The following MAN2C1 variants were observed in gnomAD, a reference collection of about 807,000 sequenced individuals.
MAN2C1 encodes the protein mannosidase alpha class 2C member 1.
Under a neutral mutation model 126.9 loss-of-function variants are expected in MAN2C1, and 111 were observed. The observed-to-expected ratio is 0.87, with a 90% CI of 0.75 to 1.02. The LOEUF is 1.02. Among genes scored for constraint, MAN2C1 ranks in the 50% least tolerant of loss-of-function variants. MAN2C1 has a pLI of 0.00. For synonymous variants in MAN2C1, 567 were observed against 561.5 expected, an observed-to-expected ratio of 1.01 and a Z score of -0.14; for missense variants, 1,363 against 1,364.4, an observed-to-expected ratio of 1.00 and a Z score of 0.02.
rs749646200 is a variant in MAN2C1 at position 75,358,573 on chromosome 15, C to T, written c.2292G>A (p.Glu764=). ...GQAGTLAVGT[E]GGLRGSAWFL... ...ACCAGGCGCTGCCCCGCAGGCCGCCCTCGGTGCCCACTGCCAGGGTCCCTG... is the reference window on the plus strand; with the variant it reads ...ACCAGGCGCTGCCCCGCAGGCCGCCTTCGGTGCCCACTGCCAGGGTCCCTG... The change falls in exon 20 of 26, where the codon GAG becomes GAA. Residue 764 remains glutamate, a synonymous_variant. Coordinates refer to ENST00000267978, the MANE Select transcript of MAN2C1 (RefSeq NM_006715.4). The T allele has an allele frequency of 6.2e-6, 10 of 1,613,416 alleles. No individual in the cohort carries two copies. In the South Asian group the frequency reaches 8.8e-5, roughly 14 times the overall value.
Position 75,356,160 on chromosome 15 carries a change from G to C in MAN2C1, c.2946C>G (p.Ser982Arg), listed in dbSNP as rs764882521. 1 of 1,613,632 alleles carries C rather than the reference G, an allele frequency of 6.2e-7. No individual in the cohort carries two copies. Among genetic ancestry groups the C allele is most frequent in the Non-Finnish European group, 8.5e-7 (1 of 1,179,990 alleles). ...LVLRLYEAHG[S>R]HVDCWLHLSL... is the part of the protein sequence containing the mutation. Reference sequence around the variant, plus strand: ...ACAAGTGCAGCCAGCAGTCCACGTGGCTGCCGTGGGCCTCATACAGCCTCA... The same window carrying C: ...ACAAGTGCAGCCAGCAGTCCACGTGCCTGCCGTGGGCCTCATACAGCCTCA... The change falls in exon 25 of 26, where the codon AGC becomes AGG. Residue 982 changes from serine (S) to arginine (R), a missense_variant. Ser to Arg is a moderately radical substitution (Grantham distance 110). Transcript: ENST00000267978. This position sits in a 1 kb window ranked among gnomAD's most constrained non-coding sequence, Gnocchi z 5.8.
At chr15:75,367,732 ATCTG>A (rs2072605755) in intron 2 of MAN2C1, 98 bp from the exon 3 acceptor site, 1 of 1,456,616 alleles carries the variant, frequency 6.9e-7, no homozygotes, top group African/African-American at 1.4e-5. Context: ...CTCTCCAAGC[ATCTG>A]CAGTGTCACA....
chr15:75,356,501 CT>C lies in MAN2C1; in HGVS notation c.2738-53del. On this transcript the variant is annotated intron_variant, in intron 23 of 25. Coordinates refer to ENST00000267978, the MANE Select transcript of MAN2C1 (RefSeq NM_006715.4). This position sits in a 1 kb window ranked among gnomAD's most constrained non-coding sequence, Gnocchi z 5.8. ...GGTGGAGAATGGGGGCTACCCTCCC[CT>C]GTCCCTAGAAGGGGCAGGAAGCCAG... is the stretch of plus-strand genomic sequence containing the variant. The C allele has an allele frequency of 6.4e-7, 1 of 1,565,812 alleles. No homozygotes were observed. Among genetic ancestry groups the C allele is most frequent in the Non-Finnish European group, 8.6e-7 (1 of 1,156,382 alleles).
At chr15:75,360,759 C>T (rs1335360965) in intron 12 of MAN2C1, 71 bp from the exon 13 acceptor site, 7 of 1,573,838 alleles carry the variant, frequency 4.4e-6, no homozygotes, top group Non-Finnish European at 6.0e-6. Flanking sequence ...CACACCAAAG[C>T]AAAGGATCCA....
chr15:75,366,647 T>G, intron 3 of MAN2C1, 55 bp from the exon 4 acceptor site: 1 of 1,394,218 alleles, frequency 7.2e-7, no homozygotes, highest in Non-Finnish European at 9.9e-7. Flanking sequence ...ACAGTTCAGG[T>G]AAAGTGTAAG....
Position 75,360,207 on chromosome 15 carries a change from T to C in MAN2C1, c.1589A>G (p.Lys530Arg). ...CCGCTCACATTCCCGGTTCCCCTTC[T>C]TGATCTGAGCCCAGGATGGGAAGAT... The part of the protein sequence containing the change: ...NGTYTTHAQI[K>R]KGNRECERIL... Residue 530 changes from lysine (K) to arginine (R), a missense_variant, in exon 14 of 26, where the codon AAG (lysine) becomes AGG (arginine). Transcript: ENST00000267978. The C allele has an allele frequency of 6.2e-7, 1 of 1,609,026 alleles. No individual in the cohort carries two copies.
rs1238782988 is a variant in MAN2C1 at position 75,367,989 on chromosome 15, G to A, written c.227+84C>T. The A allele has an allele frequency of 4.6e-5, 68 of 1,472,278 alleles. 1 individual carries two copies. Among genetic ancestry groups the A allele is most frequent in the Non-Finnish European group, 1.8e-5 (20 of 1,099,886 alleles). The allele number at this position is 1,472,278 out of a possible 1,614,324, so 91.2% of individuals were successfully genotyped here. ...TCCCACGTAGTTGTCTACGGCAGAG[G>A]GCAGACAACGAAGGTGTGGCTGGGA... On this transcript the variant is annotated intron_variant, in intron 2 of 25. Transcript: ENST00000267978.
rs2072296003 is a variant in MAN2C1 at position 75,356,314 on chromosome 15, T to TCTTG, written c.2872_2873insCAAG (p.Glu958AlafsTer22). On this transcript the variant is annotated frameshift_variant, in exon 24 of 26. Transcript: ENST00000267978. LOFTEE classifies it high-confidence loss of function. The surrounding 1 kb of genome is among the most constrained non-coding windows in gnomAD (Gnocchi z 5.8). ...CCCACCCCTTGCCTGCTTGACGGTC[T>TCTTG]CCAATACGACCGCGGGTGAAGACAC... The TCTTG allele has an allele frequency of 1.9e-6, 3 of 1,611,396 alleles. No homozygotes were observed. The highest frequency in any genetic ancestry group is 2.5e-6 in the Non-Finnish European group (3 of 1,179,316).
In MAN2C1 at chr15:75,367,567, G is replaced by C; in HGVS notation, c.295C>G (p.Leu99Val). The change falls in exon 3 of 26, where the codon CTT becomes GTT. Residue 99 changes from leucine (L) to valine (V), a missense_variant. By Grantham distance (32) the Leu-to-Val change is conservative (BLOSUM62 1). Around this residue, in one of 3 missense-constraint regions of MAN2C1, gnomAD observed 628 missense variants for 609.8 expected, o/e 1.03. Transcript: ENST00000267978. Reference sequence around the variant, plus strand: ...CCTTCTCCATCACTTTCCCAGCAAAGGTGAACTTCCTGGCCCACCCATGCC... The same window carrying C: ...CCTTCTCCATCACTTTCCCAGCAAACGTGAACTTCCTGGCCCACCCATGCC... ...PEAWVGQEVH[L>V]CWESDGEGLV... 6.2e-7 allele frequency: 1 copy of C among 1,614,176 alleles called. No individual in the cohort carries two copies. Among genetic ancestry groups the C allele is most frequent in the Non-Finnish European group, 8.5e-7 (1 of 1,180,024 alleles).
rs1314254906 is a variant in MAN2C1, at chr15:75,362,421, GT to G, written c.929del (p.Tyr310SerfsTer38). Reference sequence around the variant, plus strand: ...CCTGGATGCGGGAGTACAGGCCAGGGTAGCGGCTCTTCACCCATTCCAGCTG... The same window carrying G: ...CCTGGATGCGGGAGTACAGGCCAGGGAGCGGCTCTTCACCCATTCCAGCTG... ...AQQLEWVKSR[Y>X]PGLYSRIQEF... is the part of the protein sequence containing the mutation. On this transcript the variant is annotated frameshift_variant, in exon 8 of 26. Coordinates refer to ENST00000267978, the MANE Select transcript of MAN2C1 (RefSeq NM_006715.4). LOFTEE classifies it high-confidence loss of function. This position sits in a 1 kb window ranked among gnomAD's most constrained non-coding sequence, Gnocchi z 4.5. 15 of 1,613,556 alleles carry G rather than the reference GT, an allele frequency of 9.3e-6. No individual in the cohort carries two copies. The Admixed American group carries it at 2.3e-4, about 25-fold the overall frequency.
chr15:75,364,091 A>C lies in MAN2C1; in HGVS notation c.698T>G (p.Val233Gly), dbSNP rs2072528816. 4 of 1,614,044 alleles carry C rather than the reference A, an allele frequency of 2.5e-6. No homozygotes were observed. Among genetic ancestry groups the C allele is most frequent in the Non-Finnish European group, 3.4e-6 (4 of 1,180,020 alleles). Residue 233 changes from valine (V) to glycine (G), a missense_variant, in exon 6 of 26, where the codon GTG becomes GGG. Coordinates refer to ENST00000267978, the MANE Select transcript of MAN2C1 (RefSeq NM_006715.4). ...GAACCTGGAGGCCAGGGCCTGGGCC[A>C]CTGGGAAGGTCTCGGGCTGGGCAGG... ...CDPAQPETFP[V>G]AQALASRFFG...
intron 2 of MAN2C1, 60 bp downstream of exon 2, chr15:75,368,013 G>T: frequency 1.3e-6 from 2 of 1,537,600 alleles, no homozygotes; most frequent in South Asian, 1.2e-5. Context: ...GTGTGGCTGG[G>T]AGCTGGGTTG....
At chr15:75,360,328 C>G in intron 13 of MAN2C1, 117 bp from the exon 14 acceptor site, 1 of 1,452,060 alleles carries the variant, frequency 6.9e-7, no homozygotes, top group South Asian at 1.3e-5. Context: ...TGGAGAAGGC[C>G]TCTGGCGGGT....
chr15:75,358,726 T>C lies in MAN2C1; in HGVS notation c.2224A>G (p.Met742Val), dbSNP rs2072398563. ...TACCGTGTCTCCAGGTGGTAGTCCA[T>C]GACGTCCCATGCATCCCAGTACAAG... ...VPLYWDAWDV[M>V]DYHLETRKPV... is the part of the protein sequence containing the mutation. The change falls in exon 19 of 26, where the codon ATG becomes GTG. Residue 742 changes from methionine (M) to valine (V), a missense_variant. Physicochemically the swap from Met to Val is conservative, Grantham distance 21. This residue lies in a region of MAN2C1 where 668 missense variants were observed against 650.1 expected (regional missense o/e 1.03). Transcript: ENST00000267978. 4.0e-6 allele frequency: 4 copies of C among 990,574 alleles called. No individual in the cohort carries two copies. Among genetic ancestry groups the C allele is most frequent in the Admixed American group, 2.4e-5 (1 of 41,402 alleles). The allele number at this position is 990,574 out of a possible 1,614,324, so 61.4% of individuals were successfully genotyped here.
chr15:75,366,741 C>A, intron 3 of MAN2C1, 149 bp from the exon 4 acceptor site: 1 of 568,912 alleles, frequency 1.8e-6, no homozygotes, highest in South Asian at 2.3e-5. Flanking sequence ...AATCAGGGAC[C>A]CTTGGCAGTA....
At position 75,358,788 on chromosome 15, in the gene MAN2C1, G is replaced by A. The variant is rs150336317; in HGVS notation, c.2162C>T (p.Ala721Val). 2.6e-4 allele frequency: 418 copies of A among 1,612,850 alleles called. No homozygotes were observed. Among genetic ancestry groups the A allele is most frequent in the Non-Finnish European group, 3.4e-4 (397 of 1,179,578 alleles). ...AAATAGCACAAACTGGTTCCCCACG[G>A]CGCCCTCAGCAATGGCCTCCCTGGA... is the stretch of plus-strand genomic sequence containing the variant. ...ASGREAIAEG[A>V]VGNQFVLFDD... The change falls in exon 19 of 26, where the codon GCC becomes GTC. Residue 721 changes from alanine to valine, a missense_variant. This residue lies in a region of MAN2C1 where 668 missense variants were observed against 650.1 expected (regional missense o/e 1.03). Transcript: ENST00000267978.
rs372084731 is a variant in MAN2C1, at chr15:75,361,568, C to A, written c.1218+36G>T. On this transcript the variant is annotated intron_variant, in intron 10 of 25. Coordinates refer to ENST00000267978, the MANE Select transcript of MAN2C1 (RefSeq NM_006715.4). This position sits in a 1 kb window ranked among gnomAD's most constrained non-coding sequence, Gnocchi z 5.0. ...GCAAATGGGCCAGGCGGGACTGAGG[C>A]CCACTCTGACCCTGACCCCCCGGGG... The A allele has an allele frequency of 1.3e-6, 2 of 1,519,922 alleles. No individual in the cohort carries two copies. Among genetic ancestry groups the A allele is most frequent in the African/African-American group, 2.7e-5 (2 of 72,852 alleles). 94.2% of individuals were successfully genotyped at this position (1,519,922 alleles called of 1,614,324 possible).
chr15:75,362,729 T>C lies in MAN2C1; in HGVS notation c.810A>G (p.Lys270=), dbSNP rs569984012. The change falls in exon 7 of 26, where the codon AAA becomes AAG. Residue 270 remains lysine (K), a synonymous_variant. Transcript: ENST00000267978. The surrounding 1 kb of genome is among the most constrained non-coding windows in gnomAD (Gnocchi z 4.5). ...HIDTAWLWPF[K]ETVRKCARSW... ...TCCGGGCACATTTCCTCACAGTCTC[T>C]TTGAAGGGCCAAAGCCAGGCTATAC... 92 of 1,613,962 alleles carry C rather than the reference T, an allele frequency of 5.7e-5. No homozygotes were observed. Among genetic ancestry groups the C allele is most frequent in the Non-Finnish European group, 7.1e-5 (84 of 1,179,906 alleles).
At position 75,361,202 on chromosome 15, in the gene MAN2C1, G is replaced by A. The variant is rs747672558; in HGVS notation, c.1315-11C>T. ...CACGGTCTTCAGCACCTAGACAGGTGAGGGCAGGCCAGCATGGATCAGCCT... is the reference window on the plus strand; with the variant it reads ...CACGGTCTTCAGCACCTAGACAGGTAAGGGCAGGCCAGCATGGATCAGCCT... On this transcript the variant is annotated splice_polypyrimidine_tract_variant and intron_variant, in intron 11 of 25. Coordinates refer to ENST00000267978, the MANE Select transcript of MAN2C1 (RefSeq NM_006715.4). The surrounding 1 kb of genome is among the most constrained non-coding windows in gnomAD (Gnocchi z 5.0). The A allele has an allele frequency of 9.3e-5, 150 of 1,609,954 alleles. No individual in the cohort carries two copies. In the Admixed American group the frequency reaches 2.5e-3, roughly 26 times the overall value.
Sources: allele counts gnomAD v4.1 joint callset, GRCh38; gene constraint gnomAD v4.1.1; regional missense constraint gnomAD v4.1.1; non-coding constraint Gnocchi (gnomAD v3.1); transcripts MANE v1.5; gene names NCBI Gene and HGNC (gene_info 2026-07-23, HGNC 2026-07-21).